TBC1D14: variants seen among roughly 807,000 people sequenced by gnomAD.
TBC1D14 encodes TBC1 domain family member 14, also known as TBC1 domain family, member 14.
A neutral mutation model predicts 79.0 loss-of-function variants in TBC1D14; 26 were observed. The ratio of observed to expected loss-of-function variants is 0.33; its 90% CI spans 0.24 to 0.46. The LOEUF is 0.46. Ranked by LOEUF, TBC1D14 falls within the 20% of genes least tolerant of loss-of-function variation. The pLI is 1.00. For missense variants in TBC1D14, 769 were observed against 887.6 expected (o/e 0.87, Z 1.70); for synonymous variants, 394 against 349.9 (o/e 1.13, Z -1.40).
chr4:6,987,503 C>T (rs1717984855), intron 3 of TBC1D14: 1 of 649,634 alleles, frequency 1.5e-6, no homozygotes, highest in East Asian at 3.5e-5. Context: ...GCGAGCATCA[C>T]GTGTATCTGT....
chr4:6,912,979 G>A (rs1303233593), intron 1 of TBC1D14, among the ~76,000 whole-genome samples: 1 of 152,082 alleles, frequency 6.6e-6, no homozygotes, highest in Non-Finnish European at 1.5e-5. Context: ...TTTGTTTTTT[G>A]TTTTGTTCTG....
At chr4:6,918,822 T>TA (rs1723605862) in intron 1 of TBC1D14, among the ~76,000 whole-genome samples, 1 of 152,254 alleles carries the variant, frequency 6.6e-6, no homozygotes, top group Admixed American at 6.5e-5. Flanking sequence ...AAATGTTTCT[T>TA]ACTCTATTTT....
At chr4:6,952,808 T>A (rs566824557) in intron 2 of TBC1D14, among the ~76,000 whole-genome samples, 37 of 152,174 alleles carry the variant, frequency 2.4e-4, no homozygotes, top group African/African-American at 8.7e-4. Context: ...CAACCCATAG[T>A]GCATGCTGGT....
chr4:7,018,944 C>A (rs1560357866), intron 12 of TBC1D14, among the ~76,000 whole-genome samples: 1 of 152,204 alleles, frequency 6.6e-6, no homozygotes, highest in Non-Finnish European at 1.5e-5. Context: ...GGACTACATT[C>A]CATGTTATGG....
At chr4:6,924,794 A>G (rs1394242404) in intron 2 of TBC1D14, among the ~76,000 whole-genome samples, 1 of 152,106 alleles carries the variant, frequency 6.6e-6, no homozygotes, top group Non-Finnish European at 1.5e-5. Context: ...GCTTTTGTTC[A>G]ACAAGTGCCT....
intron 2 of TBC1D14, among the ~76,000 whole-genome samples, chr4:6,940,384 A>G (rs1712791328): frequency 6.6e-6 from 1 of 152,212 alleles, no homozygotes; most frequent in Admixed American, 6.5e-5. Flanking sequence ...GAGCAAATCC[A>G]TAATGGAATG....
rs1719658945 is a variant in TBC1D14, at chr4:7,001,378, T to G, written c.1270+127T>G. 1.0e-5 allele frequency: 8 copies of G among 804,010 alleles called. No homozygotes were observed. In the South Asian group the frequency reaches 1.4e-4, roughly 14 times the overall value. 49.8% of individuals were successfully genotyped at this position (804,010 alleles called of 1,614,324 possible). On this transcript the variant is annotated intron_variant, in intron 7 of 13. Coordinates refer to ENST00000409757, the MANE Select transcript of TBC1D14 (RefSeq NM_020773.3). The stretch of plus-strand genomic sequence containing the variant: ...TGTGTCTTTTGAGAGACCAGGAGAC[T>G]GTGTCCTTCAGGAGAGAGGGGCAGT...
intron 12 of TBC1D14, among the ~76,000 whole-genome samples, chr4:7,022,358 C>T (rs1386428932): frequency 1.3e-5 from 2 of 152,218 alleles, no homozygotes; most frequent in Non-Finnish European, 2.9e-5. Flanking sequence ...GTATGCGAGG[C>T]AGAGGGAAGT....
chr4:7,001,606 T>C (rs754755883), intron 7 of TBC1D14: 16 of 215,052 alleles, frequency 7.4e-5, no homozygotes, highest in Non-Finnish European at 1.3e-4. Flanking sequence ...GGGTGTTTAT[T>C]GTACTGGGGT....
At chr4:6,939,918 C>A (rs570876740) in intron 2 of TBC1D14, among the ~76,000 whole-genome samples, 1 of 152,312 alleles carries the variant, frequency 6.6e-6, no homozygotes, top group East Asian at 1.9e-4. Context: ...GCCCTGAGGC[C>A]GGCGGGGACT....
rs113539817 is a variant in TBC1D14 at position 7,011,770 on chromosome 4, C to G, written c.1647+989C>G. ...ATGGGGTTTTGCCATGTTGGCCAGG[C>G]TGGTCTTGAACTCCTGACCTCAAGT... On this transcript the variant is annotated intron_variant, in intron 11 of 13. Transcript: ENST00000409757. Among the ~76,000 whole-genome samples the G allele has an allele frequency of 8.5e-3, 1,296 of 151,768 alleles. 18 individuals are homozygous for G. Among genetic ancestry groups the G allele is most frequent in the Admixed American group, 0.023 (358 of 15,260 alleles).
intron 2 of TBC1D14, among the ~76,000 whole-genome samples, chr4:6,964,621 T>C (rs372246878): frequency 8.1e-4 from 124 of 152,368 alleles, no homozygotes; most frequent in African/African-American, 2.9e-3. Context: ...ATTTTCTTTT[T>C]CTTTCTTTTT....
intron 11 of TBC1D14, among the ~76,000 whole-genome samples, chr4:7,011,177 C>T (rs1720728495): frequency 6.6e-6 from 1 of 152,188 alleles, no homozygotes; most frequent in Non-Finnish European, 1.5e-5. Flanking sequence ...TGTTGCTGCT[C>T]ATTGTCACCC....
At chr4:7,026,951 G>A (rs1270551377) in intron 13 of TBC1D14, among the ~76,000 whole-genome samples, 1 of 152,120 alleles carries the variant, frequency 6.6e-6, no homozygotes, top group Admixed American at 6.6e-5. Context: ...AGTGGCTCAC[G>A]CCTGTAATCT....
intron 1 of TBC1D14, among the ~76,000 whole-genome samples, chr4:6,919,310 C>T (rs1723650038): frequency 6.6e-6 from 1 of 152,058 alleles, no homozygotes. Context: ...CCATGCCCGG[C>T]TAATTTTGTA....
chr4:6,913,670 G>T (rs1352506504), intron 1 of TBC1D14, among the ~76,000 whole-genome samples: 1 of 152,126 alleles, frequency 6.6e-6, no homozygotes, highest in Non-Finnish European at 1.5e-5. Context: ...TTTCTCTTAT[G>T]AATAATTAAG....
At chr4:6,954,232 A>G in intron 2 of TBC1D14, 1 of 714,648 alleles carries the variant, frequency 1.4e-6, no homozygotes, top group Non-Finnish European at 2.6e-6. Context: ...CTGGCGTGCC[A>G]GGAATGCGGC....
At chr4:6,946,314 G>A (rs1270475866) in intron 2 of TBC1D14, among the ~76,000 whole-genome samples, 1 of 152,052 alleles carries the variant, frequency 6.6e-6, no homozygotes, top group Admixed American at 6.6e-5. Context: ...TGCTCTTAGT[G>A]TTATTTATTT....
At chr4:6,946,369 G>A (rs930499861) in intron 2 of TBC1D14, among the ~76,000 whole-genome samples, 1 of 152,072 alleles carries the variant, frequency 6.6e-6, no homozygotes, top group Non-Finnish European at 1.5e-5. Flanking sequence ...GTCTTGCTCT[G>A]TCACCCAGGC....
Sources: gnomAD v4.1 joint callset for allele counts (sites outside exome capture counted in the v4.1 genomes callset) on GRCh38, gnomAD v4.1.1 for gene constraint, MANE v1.5 for transcripts, NCBI Gene and HGNC (gene_info 2026-07-23, HGNC 2026-07-21) for gene names.